Variants in RALGAPA1 observed in about 807,000 individuals in gnomAD.
RALGAPA1 encodes Ral GTPase activating protein catalytic subunit alpha 1.
A neutral mutation model predicts 269.6 loss-of-function variants in RALGAPA1; 52 were observed. That is an observed-to-expected ratio of 0.19 (90% CI 0.15 to 0.24). RALGAPA1 has a LOEUF of 0.24. RALGAPA1 is among the 10% of genes least tolerant of loss of function. The probability of loss-of-function intolerance (pLI) is 1.00; values close to 1 mark genes in which losing one functional copy is unlikely to be tolerated. For missense variants in RALGAPA1, 1,917 were observed against 3,013.9 expected, an observed-to-expected ratio of 0.64 and a Z score of 8.52; for synonymous variants, 817 against 1,008.3, an observed-to-expected ratio of 0.81 and a Z score of 3.60.
intron 7 of RALGAPA1, among the ~76,000 whole-genome samples, chr14:35,754,393 TAAAAATGGGCAA>T (rs1346638540): frequency 6.6e-6 from 1 of 152,066 alleles, no homozygotes; most frequent in African/African-American, 2.4e-5. Context: ...CAAGCCAATT[TAAAAATGGGCAA>T]AAAAAGTGAA....
chr14:35,740,444 C>T (rs1185630774), intron 11 of RALGAPA1, among the ~76,000 whole-genome samples: 1 of 152,164 alleles, frequency 6.6e-6, no homozygotes, highest in Non-Finnish European at 1.5e-5. Flanking sequence ...CAGTCCTACA[C>T]ACAAAAAAGA....
At chr14:35,582,949 A>G (rs1411139814) in intron 37 of RALGAPA1, among the ~76,000 whole-genome samples, 1 of 152,148 alleles carries the variant, frequency 6.6e-6, no homozygotes, top group Non-Finnish European at 1.5e-5. Flanking sequence ...AAACCTAATG[A>G]TGGGACAATG....
chr14:35,789,643 C>G (rs1048941796), intron 1 of RALGAPA1, among the ~76,000 whole-genome samples: 1 of 151,986 alleles, frequency 6.6e-6, no homozygotes, highest in African/African-American at 2.4e-5. Context: ...AGTTTCATCC[C>G]GAAACCATTC....
intron 37 of RALGAPA1, among the ~76,000 whole-genome samples, chr14:35,583,181 C>T (rs781307551): frequency 1.6e-4 from 24 of 152,146 alleles, no homozygotes; most frequent in Non-Finnish European, 3.1e-4. Context: ...CTATGGTTAA[C>T]ATGCTATGGG....
chr14:35,676,817 A>T (rs942383681), intron 22 of RALGAPA1: 1 of 152,250 alleles, frequency 6.6e-6, no homozygotes, highest in African/African-American at 2.4e-5. Flanking sequence ...CTGTGTGTAA[A>T]TATAGACAAA....
rs772912656 is a variant in RALGAPA1 at position 35,655,690 on chromosome 14, GAAT to G, written c.5496+114_5496+116del. 1.1e-3 allele frequency: 1,492 copies of G among 1,366,376 alleles called. 7 individuals are homozygous for G. The highest frequency in any genetic ancestry group is 2.4e-3 in the Middle Eastern group (9 of 3,726). 84.6% of individuals were successfully genotyped at this position (1,366,376 alleles called of 1,614,324 possible). On this transcript the variant is annotated intron_variant, in intron 29 of 41. Transcript: ENST00000680220. The stretch of plus-strand genomic sequence containing the variant: ...ATGAGTCAGGATCAAGAAAATAATA[GAAT>G]AATAAAGTAATGAAAACATTTACTA...
At chr14:35,806,450 T>C (rs1173957638) in intron 1 of RALGAPA1, among the ~76,000 whole-genome samples, 1 of 152,202 alleles carries the variant, frequency 6.6e-6, no homozygotes, top group Non-Finnish European at 1.5e-5. Context: ...AAATCAATTA[T>C]GCAACAGTAT....
chr14:35,692,004 G>A (rs961040952), intron 17 of RALGAPA1, among the ~76,000 whole-genome samples: 13 of 152,104 alleles, frequency 8.5e-5, no homozygotes, highest in East Asian at 3.9e-4. Context: ...CTCATTAAGC[G>A]TTTGTTAATA....
chr14:35,786,875 T>A (rs1479446219), intron 1 of RALGAPA1, among the ~76,000 whole-genome samples: 4 of 152,206 alleles, frequency 2.6e-5, no homozygotes, highest in Non-Finnish European at 5.9e-5. Context: ...ACGAGTAATG[T>A]GCCAACATCA....
chr14:35,677,356 G>A (rs1012500173), intron 22 of RALGAPA1: 2 of 152,980 alleles, frequency 1.3e-5, no homozygotes, highest in Non-Finnish European at 2.9e-5. Context: ...TGCCATAAAT[G>A]TGCATATTTG....
At chr14:35,639,501 G>A (rs1375539985) in intron 31 of RALGAPA1, among the ~76,000 whole-genome samples, 1 of 152,076 alleles carries the variant, frequency 6.6e-6, no homozygotes, top group South Asian at 2.1e-4. Context: ...CATTCTAAAG[G>A]ACAGACCATA....
intron 10 of RALGAPA1, among the ~76,000 whole-genome samples, chr14:35,745,208 A>T (rs1179668562): frequency 6.6e-6 from 1 of 152,230 alleles, no homozygotes; most frequent in Non-Finnish European, 1.5e-5. Context: ...AGAATATTCA[A>T]GTTCATAAAT....
At chr14:35,546,470 TAATA>T (rs566998857) in intron 41 of RALGAPA1, among the ~76,000 whole-genome samples, 121 of 151,318 alleles carry the variant, frequency 8.0e-4, no homozygotes, top group South Asian at 2.1e-3. Context: ...ATAATAATAA[TAATA>T]AATATTATTT....
At chr14:35,639,621 T>G (rs2061878668) in intron 31 of RALGAPA1, among the ~76,000 whole-genome samples, 1 of 152,166 alleles carries the variant, frequency 6.6e-6, no homozygotes, top group African/African-American at 2.4e-5. Context: ...AGAGGAATTT[T>G]GGAAACTATA....
intron 1 of RALGAPA1, among the ~76,000 whole-genome samples, chr14:35,781,154 C>A (rs2141632990): frequency 6.6e-6 from 1 of 152,188 alleles, no homozygotes; most frequent in African/African-American, 2.4e-5. Context: ...ATTCAAATCA[C>A]TAATCTGGAC....
At chr14:35,805,236 C>T (rs1313275755) in intron 1 of RALGAPA1, among the ~76,000 whole-genome samples, 1 of 145,388 alleles carries the variant, frequency 6.9e-6, no homozygotes, top group South Asian at 2.2e-4. Context: ...CCAGCCTGGG[C>T]AACACAGTGA....
intron 27 of RALGAPA1, among the ~76,000 whole-genome samples, chr14:35,662,938 G>T (rs28710110): frequency 0.16 from 16,547 of 100,668 alleles, 832 homozygotes; most frequent in East Asian, 0.27. Context: ...TTCCTTTTTT[G>T]GGGGGGGGGT....
At chr14:35,748,378 C>CT (rs35805261) in intron 10 of RALGAPA1, 3,267 of 253,500 alleles carry the variant, frequency 0.013, 9 homozygotes, top group Middle Eastern at 0.016. Context: ...CTCTCTCGCT[C>CT]TTTTTTTTTT....
chr14:35,621,060 T>A (rs1290490184), intron 35 of RALGAPA1, among the ~76,000 whole-genome samples: 3 of 152,042 alleles, frequency 2.0e-5, no homozygotes, highest in Non-Finnish European at 4.4e-5. Context: ...GTCAAGACAA[T>A]CCTAAGCAAA....
Sources: allele counts gnomAD v4.1 joint callset (sites outside exome capture counted in the v4.1 genomes callset), GRCh38; gene constraint gnomAD v4.1.1; transcripts MANE v1.5; gene names NCBI Gene and HGNC (gene_info 2026-07-23, HGNC 2026-07-21).